CCDC33: variants seen among roughly 807,000 people sequenced by gnomAD.
CCDC33 encodes coiled-coil domain containing 33, also known as coiled-coil domain-containing protein 33.
Under a neutral mutation model 91.9 loss-of-function variants are expected in CCDC33, and 94 were observed. The observed-to-expected ratio is 1.02, with a 90% CI of 0.87 to 1.21. The LOEUF (loss-of-function observed/expected upper bound fraction) is 1.21. Ranked by LOEUF, CCDC33 falls within the 50% of genes most tolerant of loss-of-function variation. The pLI is 0.00. For missense variants in CCDC33, 940 were observed against 935.5 expected, an observed-to-expected ratio of 1.00 and a Z score of -0.06; for synonymous variants, 396 against 374.5, an observed-to-expected ratio of 1.06 and a Z score of -0.66.
At chr15:74,328,991 C>G (rs2060369923) in intron 11 of CCDC33, among the ~76,000 whole-genome samples, 1 of 152,206 alleles carries the variant, frequency 6.6e-6, no homozygotes, top group Non-Finnish European at 1.5e-5. Context: ...CCATCCAGAC[C>G]TCTCTGGCTT....
intron 1 of CCDC33, among the ~76,000 whole-genome samples, chr15:74,203,536 T>C (rs1185405708): frequency 6.6e-6 from 1 of 152,238 alleles, no homozygotes; most frequent in Non-Finnish European, 1.5e-5. Flanking sequence ...GTCCTTCCAA[T>C]ACCCTACAAG....
chr15:74,330,593 G>A (rs1567041161), intron 12 of CCDC33, 70 bp from the exon 13 acceptor site: 1 of 1,306,034 alleles, frequency 7.7e-7, no homozygotes, highest in Non-Finnish European at 1.1e-6. Flanking sequence ...CTGCCTTCCT[G>A]CTACTGACCA....
intron 11 of CCDC33, among the ~76,000 whole-genome samples, chr15:74,315,037 G>C (rs527375297): frequency 3.0e-4 from 45 of 152,190 alleles, no homozygotes; most frequent in Non-Finnish European, 1.8e-4. Context: ...CGGGCAGTGA[G>C]GGCATTCATG....
chr15:74,247,805 G>A (rs567638530), intron 2 of CCDC33, among the ~76,000 whole-genome samples: 36 of 152,222 alleles, frequency 2.4e-4, no homozygotes, highest in African/African-American at 8.2e-4. Flanking sequence ...GGCTGGGCAC[G>A]GTGGCTCATG....
Position 74,316,003 on chromosome 15 carries a change from C to T in CCDC33, c.1291-14186C>T, listed in dbSNP as rs1425323710. Among the ~76,000 whole-genome samples, 1 of 152,130 alleles carries T rather than the reference C, an allele frequency of 6.6e-6. No homozygotes were observed. Among genetic ancestry groups the T allele is most frequent in the Non-Finnish European group, 1.5e-5 (1 of 68,014 alleles). On this transcript the variant is annotated intron_variant, in intron 11 of 18. Coordinates refer to ENST00000398814, the MANE Select transcript of CCDC33 (RefSeq NM_025055.5). The surrounding 1 kb of genome is among the most constrained non-coding windows in gnomAD (Gnocchi z 4.7). ...CACCTGCCCTGTTTCCTGGGACCCC[C>T]TGAAGGAGGACATCCCTTAGCTCCA...
At chr15:74,306,992 C>G (rs11634685) in intron 11 of CCDC33, among the ~76,000 whole-genome samples, 1 of 152,094 alleles carries the variant, frequency 6.6e-6, no homozygotes, top group African/African-American at 2.4e-5. Context: ...TCTTTCATCC[C>G]AGCAAACAAG....
At chr15:74,263,065 T>A (rs1002249920) in intron 3 of CCDC33, among the ~76,000 whole-genome samples, 1 of 152,194 alleles carries the variant, frequency 6.6e-6, no homozygotes, top group African/African-American at 2.4e-5. Flanking sequence ...CTGCTTCCAT[T>A]TGATTTTTTA....
chr15:74,303,922 A>G (rs1387131112), intron 11 of CCDC33: 1 of 152,186 alleles, frequency 6.6e-6, no homozygotes, highest in Non-Finnish European at 1.5e-5. Flanking sequence ...TTTTCTCTCC[A>G]ATTCCTAAAC....
rs2060414128 is a variant in CCDC33, at chr15:74,330,726, A to G, written c.1520A>G (p.Gln507Arg). The G allele has an allele frequency of 4.3e-6, 7 of 1,613,500 alleles. No individual in the cohort carries two copies. Among genetic ancestry groups the G allele is most frequent in the Non-Finnish European group, 4.2e-6 (5 of 1,179,968 alleles). ...ATGAAGAAACTGAGGGACAGGGTGC[A>G]GCATTTGCAGAATGAGCTGATTCGA... is the stretch of plus-strand genomic sequence containing the variant. ...LDMKKLRDRV[Q>R]HLQNELIRKN... is the part of the protein sequence containing the mutation. Residue 507 changes from glutamine (Q) to arginine (R), a missense_variant, in exon 13 of 19, where the codon CAG becomes CGG. By Grantham distance (43) the Gln-to-Arg change is conservative (BLOSUM62 1). Coordinates refer to ENST00000398814, the MANE Select transcript of CCDC33 (RefSeq NM_025055.5).
intron 10 of CCDC33, among the ~76,000 whole-genome samples, chr15:74,286,378 G>T (rs1463131353): frequency 2.6e-5 from 4 of 152,026 alleles, no homozygotes; most frequent in Admixed American, 6.5e-5. Context: ...GTGTGATGTG[G>T]TCTCTGGGGA....
intron 17 of CCDC33, among the ~76,000 whole-genome samples, chr15:74,334,481 T>C (rs575069233): frequency 1.9e-3 from 257 of 133,704 alleles, no homozygotes; most frequent in Non-Finnish European, 3.3e-3. Flanking sequence ...CGACCAGGGT[T>C]AGGGTTCAGT....
intron 11 of CCDC33, chr15:74,319,440 A>T (rs2959011): frequency 0.47 from 71,252 of 152,388 alleles, 18,061 homozygotes; most frequent in South Asian, 0.68. Context: ...GGGTTCTTTG[A>T]GGAAGAGTGA....
intron 2 of CCDC33, among the ~76,000 whole-genome samples, chr15:74,229,656 G>A (rs905699150): frequency 3.3e-5 from 5 of 152,248 alleles, no homozygotes; most frequent in African/African-American, 7.2e-5. Flanking sequence ...CTAGCAAGGC[G>A]AGAAGGCACT....
At chr15:74,250,953 G>A (rs1238640844) in intron 2 of CCDC33, among the ~76,000 whole-genome samples, 1 of 152,170 alleles carries the variant, frequency 6.6e-6, no homozygotes, top group Non-Finnish European at 1.5e-5. Context: ...GGCTCACAGT[G>A]GGCACTGAGA....
chr15:74,279,359 A>G (rs1029023290), intron 7 of CCDC33, among the ~76,000 whole-genome samples: 2 of 152,230 alleles, frequency 1.3e-5, no homozygotes, highest in African/African-American at 2.4e-5. Flanking sequence ...GCAGGATGCT[A>G]GAATGGTGAT....
chr15:74,234,535 G>A (rs1294026056), upstream of CCDC33, among the ~76,000 whole-genome samples: 1 of 152,164 alleles, frequency 6.6e-6, no homozygotes, highest in Admixed American at 6.5e-5. Flanking sequence ...GGTGTCTCAG[G>A]GGTCCTTGGT....
intron 2 of CCDC33, among the ~76,000 whole-genome samples, chr15:74,250,979 C>A (rs1157921132): frequency 2.0e-5 from 3 of 152,184 alleles, no homozygotes; most frequent in African/African-American, 7.2e-5. Context: ...CATAAGAAAG[C>A]CACAGGACAG....
chr15:74,227,915 GA>G, intron 2 of CCDC33, among the ~76,000 whole-genome samples: 1 of 152,292 alleles, frequency 6.6e-6, no homozygotes, highest in Middle Eastern at 3.4e-3. Context: ...TCTCGGAGGA[GA>G]GGGGGTTCCA....
At chr15:74,282,283 G>A (rs2059384047) in intron 10 of CCDC33, among the ~76,000 whole-genome samples, 1 of 152,222 alleles carries the variant, frequency 6.6e-6, no homozygotes, top group Non-Finnish European at 1.5e-5. Flanking sequence ...TGGGGATTAT[G>A]GGGAGGAATC....
Sources: gnomAD v4.1 joint callset for allele counts (sites outside exome capture counted in the v4.1 genomes callset) on GRCh38, gnomAD v4.1.1 for gene constraint, Gnocchi (gnomAD v3.1) non-coding constraint, MANE v1.5 for transcripts, NCBI Gene and HGNC (gene_info 2026-07-23, HGNC 2026-07-21) for gene names.